RBFOX1: variants seen among roughly 807,000 people sequenced by gnomAD.
The protein encoded by RBFOX1 is RNA binding protein fox-1 homolog 1.
A neutral mutation model predicts 57.7 loss-of-function variants in RBFOX1; 8 were observed. That is an observed-to-expected ratio of 0.14 (90% CI 0.08 to 0.25). The LOEUF (loss-of-function observed/expected upper bound fraction) is 0.25, where lower values mean the gene tolerates loss of function less well. RBFOX1 is among the 10% of genes least tolerant of loss of function. RBFOX1 has a pLI of 1.00. For synonymous variants in RBFOX1, 326 were observed against 222.4 expected (o/e 1.47, Z -4.15); for missense variants, 611 against 548.5 (o/e 1.11, Z -1.14).
At chr16:7,474,957 C>T (rs2062336772) in intron 4 of RBFOX1, among the ~76,000 whole-genome samples, 1 of 152,142 alleles carries the variant, frequency 6.6e-6, no homozygotes, top group Non-Finnish European at 1.5e-5. Context: ...CAATGCAGAG[C>T]CGCCATCTTT....
intron 3 of RBFOX1, among the ~76,000 whole-genome samples, chr16:6,718,435 A>G (rs552272125): frequency 2.6e-5 from 4 of 152,212 alleles, no homozygotes; most frequent in African/African-American, 9.7e-5. Flanking sequence ...TCCACAAGGT[A>G]ATGCGAGTAA....
At chr16:6,661,881 G>GTAA (rs1446955795) in intron 3 of RBFOX1, among the ~76,000 whole-genome samples, 1 of 152,150 alleles carries the variant, frequency 6.6e-6, no homozygotes, top group Non-Finnish European at 1.5e-5. Context: ...TGTGCATAAT[G>GTAA]GCTATAAGGA....
In RBFOX1 at chr16:6,607,176, G is replaced by A. The variant is rs368129799; in HGVS notation, c.-63-47427G>A. 2.0e-5 allele frequency among the ~76,000 whole-genome samples: 3 copies of A among 152,288 alleles called. No homozygotes were observed. In the East Asian group the frequency reaches 5.8e-4, roughly 29 times the overall value. On this transcript the variant is annotated intron_variant, in intron 2 of 15. Transcript: ENST00000550418. Reference sequence around the variant, plus strand: ...TTCCTAGAGAATTTGTGGGTGAACAGATGAGTGTTCATCTGACTACTGATT... The same window carrying A: ...TTCCTAGAGAATTTGTGGGTGAACAAATGAGTGTTCATCTGACTACTGATT...
intron 9 of RBFOX1, among the ~76,000 whole-genome samples, chr16:7,602,919 T>C (rs1274292036): frequency 6.6e-6 from 1 of 152,102 alleles, no homozygotes; most frequent in Non-Finnish European, 1.5e-5. Context: ...AAACTAGAAA[T>C]GAATAGCAAG....
chr16:6,640,608 C>CAAATAAATAAATAAAT (rs67228866), intron 2 of RBFOX1, among the ~76,000 whole-genome samples: 2 of 151,426 alleles, frequency 1.3e-5, no homozygotes, highest in African/African-American at 2.4e-5. Flanking sequence ...ACTCCATTGC[C>CAAATAAATAAATAAAT]AAATAAATAA....
intron 1 of RBFOX1, among the ~76,000 whole-genome samples, chr16:6,314,819 T>C (rs373087818): frequency 2.0e-5 from 3 of 152,320 alleles, no homozygotes; most frequent in East Asian, 3.9e-4. Context: ...AATCCTGCAT[T>C]GGAGGCATAC....
In RBFOX1 at chr16:6,883,712, G is replaced by C. The variant is rs984406244; in HGVS notation, c.-15-168345G>C. 3.9e-5 allele frequency among the ~76,000 whole-genome samples: 6 copies of C among 152,178 alleles called. No individual in the cohort carries two copies. In the East Asian group the frequency reaches 1.2e-3, roughly 29 times the overall value. Reference sequence around the variant, plus strand: ...GGCTGTTCAAATATGAGATAAAATAGTTTCTAAGAATGATAGAGTCCAAAA... The same window carrying C: ...GGCTGTTCAAATATGAGATAAAATACTTTCTAAGAATGATAGAGTCCAAAA... On this transcript the variant is annotated intron_variant, in intron 3 of 15. Coordinates refer to ENST00000550418, the MANE Select transcript of RBFOX1 (RefSeq NM_018723.4).
intron 5 of RBFOX1, among the ~76,000 whole-genome samples, chr16:7,568,442 A>G (rs2092370440): frequency 1.3e-5 from 2 of 152,078 alleles, no homozygotes; most frequent in South Asian, 4.2e-4. Flanking sequence ...CATTGTGATT[A>G]GTGTATAATG....
intron 5 of RBFOX1, among the ~76,000 whole-genome samples, chr16:7,526,472 A>T (rs936804917): frequency 6.6e-6 from 1 of 151,618 alleles, no homozygotes; most frequent in Non-Finnish European, 1.5e-5. Context: ...TTTTTCTATA[A>T]CTCCCTTCCT....
intron 2 of RBFOX1, among the ~76,000 whole-genome samples, chr16:6,552,828 T>C (rs2097017330): frequency 6.6e-6 from 1 of 152,006 alleles, no homozygotes; most frequent in Non-Finnish European, 1.5e-5. Flanking sequence ...AAGATATATA[T>C]TATAAATATA....
intron 3 of RBFOX1, among the ~76,000 whole-genome samples, chr16:6,832,805 A>G (rs1349759452): frequency 6.6e-6 from 1 of 152,206 alleles, no homozygotes; most frequent in Non-Finnish European, 1.5e-5. Flanking sequence ...CAGCCCAGCT[A>G]CTGTTTTCAT....
chr16:5,686,298 G>A (rs142206794), intron 3 of RBFOX1, among the ~76,000 whole-genome samples: 24 of 152,294 alleles, frequency 1.6e-4, no homozygotes, highest in Non-Finnish European at 1.5e-4. Context: ...AGTAATATCC[G>A]TGATGTTCTG....
chr16:7,284,943 A>C (rs2095619469), intron 4 of RBFOX1, among the ~76,000 whole-genome samples: 1 of 151,900 alleles, frequency 6.6e-6, no homozygotes, highest in African/African-American at 2.4e-5. Flanking sequence ...CCTTTTCTGG[A>C]ACATTTTCCC....
At chr16:6,772,693 G>A (rs971615239) in intron 3 of RBFOX1, among the ~76,000 whole-genome samples, 4 of 149,984 alleles carry the variant, frequency 2.7e-5, no homozygotes, top group Admixed American at 2.7e-4. Context: ...GTGTGTATAT[G>A]TGGGTGTGGG....
At chr16:6,658,242 A>AT (rs781700437) in intron 3 of RBFOX1, among the ~76,000 whole-genome samples, 1,964 of 141,054 alleles carry the variant, frequency 0.014, 18 homozygotes, top group African/African-American at 0.032. Flanking sequence ...GAGAGCCTTC[A>AT]TTTTTTTTTT....
intron 1 of RBFOX1, among the ~76,000 whole-genome samples, chr16:6,311,499 T>A (rs2080309114): frequency 6.6e-6 from 1 of 152,050 alleles, no homozygotes; most frequent in South Asian, 2.1e-4. Flanking sequence ...TCAAAGGATA[T>A]TCCATGCTGT....
intron 3 of RBFOX1, among the ~76,000 whole-genome samples, chr16:6,806,838 T>TATATATATATATATA (rs1567331467): frequency 6.2e-5 from 3 of 48,096 alleles, no homozygotes; most frequent in Admixed American, 2.6e-4. Context: ...ATATATATAT[T>TATATATATATATATA]TTTTTTTTTT....
intron 3 of RBFOX1, among the ~76,000 whole-genome samples, chr16:5,684,142 C>G (rs1306092321): frequency 1.3e-5 from 2 of 152,126 alleles, no homozygotes; most frequent in Non-Finnish European, 2.9e-5. Context: ...TTGGCTCAAG[C>G]TAAGGCCATC....
intron 3 of RBFOX1, among the ~76,000 whole-genome samples, chr16:6,794,075 A>G (rs1188166043): frequency 6.6e-6 from 1 of 152,078 alleles, no homozygotes; most frequent in Non-Finnish European, 1.5e-5. Context: ...GCCCAATAAC[A>G]TCTGAAATGA....
Sources: allele counts gnomAD v4.1 joint callset (sites outside exome capture counted in the v4.1 genomes callset), GRCh38; gene constraint gnomAD v4.1.1; transcripts MANE v1.5; gene names NCBI Gene and HGNC (gene_info 2026-07-23, HGNC 2026-07-21).